The following PTPRM variants were observed in gnomAD, a reference collection of about 807,000 sequenced individuals.
PTPRM encodes the protein protein tyrosine phosphatase receptor type M.
In PTPRM, 47 loss-of-function variants were observed where a neutral mutation model predicts 186.7. The observed-to-expected ratio is 0.25, with a 90% CI of 0.20 to 0.32. The LOEUF (loss-of-function observed/expected upper bound fraction) is 0.32. Ranked by LOEUF, PTPRM falls within the 10% of genes least tolerant of loss-of-function variation. The pLI is 1.00. For synonymous variants in PTPRM, 668 were observed against 674.9 expected, an observed-to-expected ratio of 0.99 and a Z score of 0.16; for missense variants, 1,494 against 1,865.0, an observed-to-expected ratio of 0.80 and a Z score of 3.66.
chr18:8,105,766 C>T (rs2091487244), intron 11 of PTPRM, among the ~76,000 whole-genome samples: 1 of 152,186 alleles, frequency 6.6e-6, no homozygotes, highest in Non-Finnish European at 1.5e-5. Context: ...TCAGGAATGG[C>T]TCTCAGAGCC....
chr18:7,841,799 C>T (rs188657119), intron 2 of PTPRM, among the ~76,000 whole-genome samples: 8 of 152,230 alleles, frequency 5.3e-5, no homozygotes, highest in African/African-American at 1.4e-4. Flanking sequence ...AATGCCATTA[C>T]GATCTGTAGG....
At chr18:7,980,398 A>AT (rs1371410420) in intron 7 of PTPRM, among the ~76,000 whole-genome samples, 2 of 151,218 alleles carry the variant, frequency 1.3e-5, no homozygotes, top group Non-Finnish European at 2.9e-5. Context: ...TATTTTTAGT[A>AT]TTTTTAGAGA....
chr18:7,622,467 T>C lies in PTPRM; in HGVS notation c.73+54576T>C, dbSNP rs960441936. Among the ~76,000 whole-genome samples the C allele has an allele frequency of 4.6e-5, 7 of 152,240 alleles. No individual in the cohort carries two copies. The South Asian group carries it at 1.5e-3, about 32-fold the overall frequency. On this transcript the variant is annotated intron_variant, in intron 1 of 32. Transcript: ENST00000580170. ...GTGGTCTGTGCTGGACTCCCTTATT[T>C]ACCTGTTTTGTCCTTTCAAAAAGGC... is the stretch of plus-strand genomic sequence containing the variant.
intron 5 of PTPRM, among the ~76,000 whole-genome samples, chr18:7,936,898 T>C (rs924853723): frequency 1.3e-5 from 2 of 152,112 alleles, no homozygotes; most frequent in African/African-American, 4.8e-5. Context: ...CAGGGTCTCC[T>C]CTCTGCTGAG....
At chr18:7,609,528 T>G (rs1301218408) in intron 1 of PTPRM, among the ~76,000 whole-genome samples, 1 of 151,900 alleles carries the variant, frequency 6.6e-6, no homozygotes, top group Non-Finnish European at 1.5e-5. Flanking sequence ...TCCTTTTTTT[T>G]TTTTTTTTTT....
chr18:7,826,605 A>G (rs2045496234), intron 2 of PTPRM, among the ~76,000 whole-genome samples: 1 of 152,262 alleles, frequency 6.6e-6, no homozygotes, highest in African/African-American at 2.4e-5. Context: ...TGAAACTCCC[A>G]TGAAATAAAA....
intron 1 of PTPRM, among the ~76,000 whole-genome samples, chr18:7,679,905 A>G (rs1285343930): frequency 6.6e-6 from 1 of 152,086 alleles, no homozygotes; most frequent in East Asian, 2.0e-4. Context: ...TCACTCGGTC[A>G]CTCAGGCTGG....
chr18:8,386,085 T>TG (rs1411288637), intron 30 of PTPRM, among the ~76,000 whole-genome samples: 2 of 151,914 alleles, frequency 1.3e-5, no homozygotes, highest in Non-Finnish European at 2.9e-5. Context: ...GGATTGTTTG[T>TG]GGGTGGGGGG....
chr18:7,771,961 G>A (rs754227157), intron 1 of PTPRM, among the ~76,000 whole-genome samples: 1 of 152,252 alleles, frequency 6.6e-6, no homozygotes, highest in Non-Finnish European at 1.5e-5. Context: ...GTGGAGAGAT[G>A]ACTCAGTGGC....
chr18:7,670,153 A>G (rs2144478085), intron 1 of PTPRM, among the ~76,000 whole-genome samples: 1 of 150,540 alleles, frequency 6.6e-6, no homozygotes, highest in South Asian at 2.1e-4. Context: ...TGTCATTAAT[A>G]TAAAATTTAC....
At chr18:7,783,171 G>T (rs1022368029) in intron 2 of PTPRM, among the ~76,000 whole-genome samples, 8 of 152,210 alleles carry the variant, frequency 5.3e-5, no homozygotes, top group Admixed American at 2.6e-4. Flanking sequence ...TCTGGTAGTG[G>T]AGTGGGTGAG....
Position 8,238,660 on chromosome 18 carries a change from T to G in PTPRM, c.2301-5398T>G, listed in dbSNP as rs1052344251. On this transcript the variant is annotated intron_variant, in intron 14 of 32. Transcript: ENST00000580170. ...TCACACTGTTTTGTGTGTTTTTTTT[T>G]TTTTTTTTTTTTTTTTTTTTTTTTG... Among the ~76,000 whole-genome samples, 228 of 135,190 alleles carry G rather than the reference T, an allele frequency of 1.7e-3. 1 individual carries two copies. The highest frequency in any genetic ancestry group is 3.6e-3 in the Middle Eastern group (1 of 274). 88.7% of individuals were successfully genotyped at this position (135,190 alleles called of 152,430 possible).
chr18:8,312,483 A>G (rs2148014056), intron 20 of PTPRM, among the ~76,000 whole-genome samples: 1 of 152,134 alleles, frequency 6.6e-6, no homozygotes, highest in African/African-American at 2.4e-5. Flanking sequence ...CAGGAAGAAA[A>G]ATGTGGCTGT....
At chr18:7,790,096 C>T (rs1467428626) in intron 2 of PTPRM, among the ~76,000 whole-genome samples, 2 of 152,164 alleles carry the variant, frequency 1.3e-5, no homozygotes, top group Admixed American at 1.3e-4. Flanking sequence ...GGTGACTTTG[C>T]TTGACTTCTA....
chr18:8,086,077 A>G (rs979703337), intron 10 of PTPRM, among the ~76,000 whole-genome samples: 4 of 152,162 alleles, frequency 2.6e-5, no homozygotes, highest in Admixed American at 1.3e-4. Context: ...ACATGTTAGG[A>G]AGTGGCTATT....
intron 11 of PTPRM, among the ~76,000 whole-genome samples, chr18:8,091,693 A>G (rs914496767): frequency 1.3e-5 from 2 of 152,012 alleles, no homozygotes; most frequent in African/African-American, 2.4e-5. Flanking sequence ...GAAGACCAAT[A>G]TAGCGAGAAA....
At chr18:7,783,901 C>G (rs1362060227) in intron 2 of PTPRM, among the ~76,000 whole-genome samples, 3 of 151,982 alleles carry the variant, frequency 2.0e-5, no homozygotes, top group Admixed American at 2.0e-4. Context: ...GCCACTGTGC[C>G]CAGCCCAGTG....
chr18:8,083,388 C>T (rs1452156185), intron 9 of PTPRM, among the ~76,000 whole-genome samples: 1 of 152,146 alleles, frequency 6.6e-6, no homozygotes, highest in Admixed American at 6.6e-5. Context: ...ACTCCCGCTT[C>T]ACTGCCTTAG....
chr18:8,217,690 T>C (rs2094106563), intron 14 of PTPRM, among the ~76,000 whole-genome samples: 1 of 152,196 alleles, frequency 6.6e-6, no homozygotes, highest in Admixed American at 6.5e-5. Context: ...CCAATTTACA[T>C]AGTAAAGACC....
Sources: allele counts gnomAD v4.1 joint callset (sites outside exome capture counted in the v4.1 genomes callset), GRCh38; gene constraint gnomAD v4.1.1; transcripts MANE v1.5; gene names NCBI Gene and HGNC (gene_info 2026-07-23, HGNC 2026-07-21).